The following CRHR1 variants were observed in gnomAD, a reference collection of about 807,000 sequenced individuals.
CRHR1 encodes the protein corticotropin releasing hormone receptor 1.
CRHR1 carries 28 observed loss-of-function variants against 56.0 expected under a neutral mutation model. The observed-to-expected ratio is 0.50, with a 90% CI of 0.37 to 0.69. The LOEUF (loss-of-function observed/expected upper bound fraction) is 0.69. CRHR1 is among the 30% of genes least tolerant of loss of function. The probability of loss-of-function intolerance (pLI) is 0.00; values close to 1 mark genes in which losing one functional copy is unlikely to be tolerated. For synonymous variants in CRHR1, 195 were observed against 216.5 expected (o/e 0.90, Z 0.87); for missense variants, 376 against 548.0 (o/e 0.69, Z 3.13).
chr17:45,817,724 G>A (rs1430152915), intron 3 of CRHR1, among the ~76,000 whole-genome samples: 2 of 152,194 alleles, frequency 1.3e-5, no homozygotes, highest in East Asian at 1.9e-4. Context: ...GGAGGCTGGG[G>A]CAGCCAGATC....
chr17:45,818,616 G>A lies in CRHR1; in HGVS notation c.241+2034G>A, dbSNP rs116663751. On this transcript the variant is annotated intron_variant, in intron 3 of 12. Transcript: ENST00000314537. The stretch of plus-strand genomic sequence containing the variant: ...AAAGGAGCTGGGGTGATGGCCTCTC[G>A]ACATGGGGTCAGTCTGTGAGGGCAG... Among the ~76,000 whole-genome samples, 1,010 of 152,282 alleles carry A rather than the reference G, an allele frequency of 6.6e-3. 19 individuals are homozygous for A. The highest frequency in any genetic ancestry group is 0.023 in the African/African-American group (970 of 41,554).
At chr17:45,834,329 CTGGGCAGGGGATACATG>C (rs1217443046) in intron 12 of CRHR1, among the ~76,000 whole-genome samples, 2 of 152,232 alleles carry the variant, frequency 1.3e-5, no homozygotes, top group Non-Finnish European at 2.9e-5. Context: ...GGGCTGAGCC[CTGGGCAGGGGATACATG>C]TGGGTTGAGG....
At chr17:45,797,104 A>G (rs767163683) in intron 1 of CRHR1, among the ~76,000 whole-genome samples, 2 of 152,240 alleles carry the variant, frequency 1.3e-5, no homozygotes, top group Non-Finnish European at 1.5e-5. Flanking sequence ...GCTTCTGGGA[A>G]AGAGTGGAGC....
At chr17:45,813,273 G>A (rs538295780) in intron 2 of CRHR1, among the ~76,000 whole-genome samples, 16 of 152,120 alleles carry the variant, frequency 1.1e-4, no homozygotes, top group African/African-American at 3.1e-4. Context: ...TCCACTCCGC[G>A]GCTGAGGCCC....
chr17:45,804,398 C>T (rs982258075), intron 1 of CRHR1, among the ~76,000 whole-genome samples: 2 of 152,060 alleles, frequency 1.3e-5, no homozygotes, highest in Non-Finnish European at 2.9e-5. Flanking sequence ...GTGGGTGAGT[C>T]ATGGGTAGTG....
intron 2 of CRHR1, among the ~76,000 whole-genome samples, chr17:45,812,103 C>T (rs573195346): frequency 5.9e-4 from 90 of 152,260 alleles, no homozygotes; most frequent in African/African-American, 2.1e-3. Flanking sequence ...TGCACATCCT[C>T]CTGTATACTT....
intron 4 of CRHR1, among the ~76,000 whole-genome samples, chr17:45,828,897 C>A (rs1466197250): frequency 1.3e-5 from 2 of 152,124 alleles, no homozygotes; most frequent in Non-Finnish European, 2.9e-5. Flanking sequence ...AGTGTGAGGG[C>A]GCACCTGTGA....
At chr17:45,833,069 C>T in intron 8 of CRHR1, 69 bp from the exon 9 acceptor site, 1 of 1,391,400 alleles carries the variant, frequency 7.2e-7, no homozygotes, top group Non-Finnish European at 1.0e-6. Flanking sequence ...TGGCCAAGCA[C>T]TGTCCCTCCC....
At chr17:45,798,243 G>A (rs1052616696) in intron 1 of CRHR1, among the ~76,000 whole-genome samples, 1 of 152,054 alleles carries the variant, frequency 6.6e-6, no homozygotes, top group Non-Finnish European at 1.5e-5. Flanking sequence ...AGCCAAACAC[G>A]GGCTGGGCAG....
intron 1 of CRHR1, among the ~76,000 whole-genome samples, chr17:45,801,632 T>C (rs1393765023): frequency 1.3e-5 from 2 of 152,042 alleles, no homozygotes; most frequent in Non-Finnish European, 2.9e-5. Context: ...GTGAACCTCG[T>C]GCTCTGCCAG....
chr17:45,792,496 C>G (rs1442323203), intron 1 of CRHR1, among the ~76,000 whole-genome samples: 2 of 152,188 alleles, frequency 1.3e-5, no homozygotes, highest in African/African-American at 4.8e-5. Flanking sequence ...CTGAGTCGCA[C>G]TGTTCTCCTT....
chr17:45,813,194 C>T (rs926280366), intron 2 of CRHR1, among the ~76,000 whole-genome samples: 5 of 152,166 alleles, frequency 3.3e-5, no homozygotes, highest in Admixed American at 1.3e-4. Flanking sequence ...TGGCCAGGAG[C>T]GTGGCGCCTG....
chr17:45,834,569 G>A (rs2062394611), intron 12 of CRHR1, 55 bp from the exon 13 acceptor site: 2 of 1,553,938 alleles, frequency 1.3e-6, no homozygotes, highest in South Asian at 1.2e-5. Context: ...GCCCAGGGGA[G>A]GGAGGGGGTC....
At chr17:45,831,987 G>A (rs573840719) in intron 8 of CRHR1, among the ~76,000 whole-genome samples, 76 of 152,180 alleles carry the variant, frequency 5.0e-4, no homozygotes, top group Non-Finnish European at 5.7e-4. Context: ...TTGGGAAGCC[G>A]AGGCAGGCGG....
intron 1 of CRHR1, among the ~76,000 whole-genome samples, chr17:45,790,151 AG>A (rs1310625138): frequency 6.6e-6 from 1 of 152,186 alleles, no homozygotes; most frequent in African/African-American, 2.4e-5. Context: ...CCATCAGCTG[AG>A]CTTGAAGGTC....
At chr17:45,797,366 C>G (rs981235604) in intron 1 of CRHR1, among the ~76,000 whole-genome samples, 2 of 144,876 alleles carry the variant, frequency 1.4e-5, no homozygotes, top group African/African-American at 5.2e-5. Context: ...TCTCGGCTCA[C>G]TGCAAGCTCC....
At chr17:45,828,620 G>A (rs1053250668) in intron 4 of CRHR1, among the ~76,000 whole-genome samples, 8 of 152,208 alleles carry the variant, frequency 5.3e-5, no homozygotes, top group Non-Finnish European at 1.0e-4. Context: ...CCAGGGATGG[G>A]GAAGGCCCCG....
At chr17:45,833,585 C>G (rs1268653012) in intron 10 of CRHR1, 48 bp downstream of exon 10, 1 of 1,595,802 alleles carries the variant, frequency 6.3e-7, no homozygotes, top group Admixed American at 1.7e-5. Flanking sequence ...GAAACCCCTG[C>G]TCCCCATGCC....
rs1476647942 is a variant in CRHR1 at position 45,816,632 on chromosome 17, G to A, written c.241+50G>A. On this transcript the variant is annotated intron_variant, in intron 3 of 12. Coordinates refer to ENST00000314537, the MANE Select transcript of CRHR1 (RefSeq NM_004382.5). Reference sequence around the variant, plus strand: ...CATCTGCTGGGAGGTGGGACAGGATGGGGAGAGCTTGGAGGTGGGGGAAGG... The same window carrying A: ...CATCTGCTGGGAGGTGGGACAGGATAGGGAGAGCTTGGAGGTGGGGGAAGG... The A allele has an allele frequency of 1.9e-6, 3 of 1,611,002 alleles. No individual in the cohort carries two copies. The South Asian group carries it at 3.3e-5, about 18-fold the overall frequency.
Sources: allele counts gnomAD v4.1 joint callset (sites outside exome capture counted in the v4.1 genomes callset), GRCh38; gene constraint gnomAD v4.1.1; transcripts MANE v1.5; gene names NCBI Gene and HGNC (gene_info 2026-07-23, HGNC 2026-07-21).